The following MAGI1 variants were observed in gnomAD, a reference collection of about 807,000 sequenced individuals.
The protein encoded by MAGI1 is membrane associated guanylate kinase, WW and PDZ domain containing 1.
MAGI1 carries 58 observed loss-of-function variants against 139.9 expected under a neutral mutation model. The observed-to-expected ratio is 0.41, with a 90% CI of 0.34 to 0.52. The LOEUF is 0.52. Ranked by LOEUF, MAGI1 falls within the 20% of genes least tolerant of loss-of-function variation. MAGI1 has a pLI of 0.12. For synonymous variants in MAGI1, 812 were observed against 737.9 expected, an observed-to-expected ratio of 1.10 and a Z score of -1.63; for missense variants, 1,874 against 1,901.6, an observed-to-expected ratio of 0.99 and a Z score of 0.27.
At chr3:65,782,958 G>C (rs1423128350) in intron 1 of MAGI1, among the ~76,000 whole-genome samples, 1 of 150,750 alleles carries the variant, frequency 6.6e-6, no homozygotes, top group African/African-American at 2.4e-5. Flanking sequence ...TTAAGCAATG[G>C]TTTCTTAGAT....
At chr3:65,978,071 G>C (rs959003077) in intron 1 of MAGI1, among the ~76,000 whole-genome samples, 3 of 152,000 alleles carry the variant, frequency 2.0e-5, no homozygotes, top group Non-Finnish European at 2.9e-5. Flanking sequence ...TGCCTATTAC[G>C]TGCCATATGT....
chr3:65,510,563 G>A (rs1403746753), intron 2 of MAGI1, among the ~76,000 whole-genome samples: 3 of 146,856 alleles, frequency 2.0e-5, no homozygotes. Flanking sequence ...AGCAATGGAA[G>A]ATGAAATGAA....
chr3:65,757,368 G>A (rs1464233644), intron 1 of MAGI1, among the ~76,000 whole-genome samples: 1 of 152,178 alleles, frequency 6.6e-6, no homozygotes, highest in East Asian at 1.9e-4. Flanking sequence ...TTTCTGGCCG[G>A]GTATGGTGGC....
chr3:65,605,714 T>G (rs1576455944), intron 2 of MAGI1, among the ~76,000 whole-genome samples: 4 of 152,334 alleles, frequency 2.6e-5, no homozygotes, highest in African/African-American at 9.6e-5. Context: ...TATTTAAGTG[T>G]GCCCATCAGT....
Position 65,500,145 on chromosome 3 carries a change from C to T in MAGI1, c.431-6514G>A, listed in dbSNP as rs150752513. On this transcript the variant is annotated intron_variant, in intron 2 of 22. Transcript: ENST00000402939. ...GGTCAACAATACTTTACTTGCCTTA[C>T]CGATGAATAGGAATATACTACAAGT... 8.8e-3 allele frequency among the ~76,000 whole-genome samples: 1,336 copies of T among 152,236 alleles called. 9 individuals carry two copies. Among genetic ancestry groups the T allele is most frequent in the Non-Finnish European group, 0.014 (947 of 68,024 alleles).
chr3:65,534,367 G>A (rs765588058), intron 2 of MAGI1, among the ~76,000 whole-genome samples: 8 of 152,040 alleles, frequency 5.3e-5, no homozygotes, highest in East Asian at 1.9e-4. Flanking sequence ...GGTGCACACC[G>A]GTAGTCCCAG....
chr3:65,853,456 G>A (rs13068645), intron 1 of MAGI1, among the ~76,000 whole-genome samples: 2,893 of 152,206 alleles, frequency 0.019, 43 homozygotes, highest in Non-Finnish European at 0.03. Flanking sequence ...TTTTTAACAC[G>A]AGTTCCATCC....
chr3:65,756,991 A>C (rs2036613179), intron 1 of MAGI1, among the ~76,000 whole-genome samples: 1 of 152,218 alleles, frequency 6.6e-6, no homozygotes, highest in Admixed American at 6.5e-5. Flanking sequence ...TACTGAAATA[A>C]TTCTTTTCAG....
intron 1 of MAGI1, among the ~76,000 whole-genome samples, chr3:65,976,043 T>G (rs984966504): frequency 6.6e-6 from 1 of 152,198 alleles, no homozygotes. Flanking sequence ...GGTTGGTGCC[T>G]TCAAAGTTGT....
At chr3:65,383,434 T>C (rs1349759847) in intron 15 of MAGI1, 98 bp downstream of exon 15, 1 of 862,644 alleles carries the variant, frequency 1.2e-6, no homozygotes, top group East Asian at 2.4e-5. Flanking sequence ...CAGTGTTGCA[T>C]CTAGCTGGAC....
intron 1 of MAGI1, among the ~76,000 whole-genome samples, chr3:65,795,993 G>A (rs1410883540): frequency 2.7e-5 from 4 of 149,726 alleles, no homozygotes; most frequent in Non-Finnish European, 5.9e-5. Context: ...GGAAGGTGCA[G>A]TGAGCAGAGA....
intron 1 of MAGI1, among the ~76,000 whole-genome samples, chr3:65,741,472 C>A (rs979094099): frequency 6.6e-6 from 1 of 152,174 alleles, no homozygotes; most frequent in Non-Finnish European, 1.5e-5. Flanking sequence ...CCACGCCTGG[C>A]CTATTGCTTT....
Position 65,698,266 on chromosome 3 carries a change from G to A in MAGI1, c.314-76178C>T, listed in dbSNP as rs1377707721. Among the ~76,000 whole-genome samples, 52 of 134,174 alleles carry A rather than the reference G, an allele frequency of 3.9e-4. 3 individuals carry two copies. The highest frequency in any genetic ancestry group is 3.6e-3 in the Admixed American group (51 of 14,000). The allele number at this position is 134,174 out of a possible 152,430, so 88.0% of individuals were successfully genotyped here. A position where few individuals can be genotyped will look rare whatever the true frequency, so the allele number is the denominator to read the frequency against. On this transcript the variant is annotated intron_variant, in intron 1 of 22. Coordinates refer to ENST00000402939, the MANE Select transcript of MAGI1 (RefSeq NM_001033057.2). ...GAAGAACATTCCATGCTCATGGGTA[G>A]GAAGAATCAATATCGTGAAAATGGC...
Position 65,931,390 on chromosome 3 carries a change from T to C in MAGI1, c.313+106606A>G, listed in dbSNP as rs374625333. Among the ~76,000 whole-genome samples the C allele has an allele frequency of 2.6e-5, 4 of 152,188 alleles. No individual in the cohort carries two copies. The East Asian group carries it at 5.8e-4, about 22-fold the overall frequency. Reference sequence around the variant, plus strand: ...TTTGTGGATTTGCCTCAAGTTCTTATGTGAGATCCAAGAACCCTCTCTTGA... The same window carrying C: ...TTTGTGGATTTGCCTCAAGTTCTTACGTGAGATCCAAGAACCCTCTCTTGA... On this transcript the variant is annotated intron_variant, in intron 1 of 22. Transcript: ENST00000402939.
At chr3:65,700,797 T>C (rs1352183482) in intron 1 of MAGI1, among the ~76,000 whole-genome samples, 1 of 152,154 alleles carries the variant, frequency 6.6e-6, no homozygotes, top group Non-Finnish European at 1.5e-5. Context: ...TCACCAAACA[T>C]CTTTACCTGA....
intron 1 of MAGI1, among the ~76,000 whole-genome samples, chr3:65,725,804 G>C (rs2033540435): frequency 6.6e-6 from 1 of 152,282 alleles, no homozygotes; most frequent in East Asian, 1.9e-4. Flanking sequence ...AAAAGATCTA[G>C]AAGTTAGAAT....
Position 65,728,669 on chromosome 3 carries a change from T to C in MAGI1, c.314-106581A>G, listed in dbSNP as rs75099782. 1.4e-3 allele frequency among the ~76,000 whole-genome samples: 218 copies of C among 152,232 alleles called. 3 individuals are homozygous for C. The East Asian group carries it at 0.037, about 26-fold the overall frequency. Reference sequence around the variant, plus strand: ...CTGAACTTTTACCCTTCAAACAGTATTGTCAGAAGAGAAACAACTGTCCCA... The same window carrying C: ...CTGAACTTTTACCCTTCAAACAGTACTGTCAGAAGAGAAACAACTGTCCCA... On this transcript the variant is annotated intron_variant, in intron 1 of 22. Transcript: ENST00000402939.
chr3:65,733,661 A>C (rs2034420716), intron 1 of MAGI1, among the ~76,000 whole-genome samples: 1 of 152,234 alleles, frequency 6.6e-6, no homozygotes, highest in Admixed American at 6.5e-5. Context: ...AAGACCGTTT[A>C]AATCTTCAGC....
At chr3:65,446,200 T>C (rs1466581664) in intron 7 of MAGI1, among the ~76,000 whole-genome samples, 2 of 152,180 alleles carry the variant, frequency 1.3e-5, no homozygotes, top group East Asian at 3.8e-4. Flanking sequence ...ATAACAACAC[T>C]GCAAATAGCT....
Sources: allele counts gnomAD v4.1 joint callset (sites outside exome capture counted in the v4.1 genomes callset), GRCh38; gene constraint gnomAD v4.1.1; transcripts MANE v1.5; gene names NCBI Gene and HGNC (gene_info 2026-07-23, HGNC 2026-07-21).